Variants in ZMYM1 observed in about 807,000 individuals in gnomAD.
The protein encoded by ZMYM1 is zinc finger MYM-type containing 1.
Under a neutral mutation model 60.0 loss-of-function variants are expected in ZMYM1, and 39 were observed. The observed-to-expected ratio is 0.65, with a 90% CI of 0.50 to 0.85. The LOEUF (loss-of-function observed/expected upper bound fraction) is 0.85, where lower values mean the gene tolerates loss of function less well. Ranked by LOEUF, ZMYM1 falls within the 40% of genes least tolerant of loss-of-function variation. The pLI is 0.00. For synonymous variants in ZMYM1, 413 were observed against 454.0 expected (o/e 0.91, Z 1.15); for missense variants, 1,171 against 1,309.5 (o/e 0.89, Z 1.63).
rs1481341302 is a variant in ZMYM1 at position 35,111,861 on chromosome 1, T to C, written c.1051T>C (p.Leu351=). Residue 351 remains leucine, a synonymous_variant, in exon 8 of 10, where the codon TTG becomes CTG. Coordinates refer to ENST00000359858, the MANE Select transcript of ZMYM1 (RefSeq NM_024772.5). ...TCCAGTTATAAGCAATATAGTGTCA[T>C]TGGCAGACACCGATGTTGCCTTGCC... ...TTPVISNIVS[L]ADTDVALPIM... is the part of the protein sequence containing the mutation. 3.7e-6 allele frequency: 6 copies of C among 1,607,332 alleles called. No homozygotes were observed. The highest frequency in any genetic ancestry group is 5.1e-6 in the Non-Finnish European group (6 of 1,175,662).
chr1:35,090,947 C>G (rs1455294016), intron 1 of ZMYM1, among the ~76,000 whole-genome samples: 2 of 135,498 alleles, frequency 1.5e-5, no homozygotes, highest in East Asian at 4.2e-4. Context: ...ACTCTTGTCT[C>G]AAAAAAAAAA....
chr1:35,105,132 T>C (rs1234086780), intron 6 of ZMYM1, among the ~76,000 whole-genome samples: 5 of 139,382 alleles, frequency 3.6e-5, no homozygotes, highest in Admixed American at 7.1e-5. Context: ...CTTTCTTTTT[T>C]TTTTTTTTTT....
At chr1:35,096,012 C>A in intron 3 of ZMYM1, 121 bp downstream of exon 3, 1 of 753,778 alleles carries the variant, frequency 1.3e-6, no homozygotes, top group Non-Finnish European at 2.2e-6. Flanking sequence ...GGAGAAGTAA[C>A]CTGTAAGAAA....
intron 9 of ZMYM1, among the ~76,000 whole-genome samples, chr1:35,112,503 A>T (rs1644123267): frequency 6.9e-6 from 1 of 145,560 alleles, no homozygotes; most frequent in East Asian, 1.9e-4. Flanking sequence ...TATATATAAT[A>T]TATACTATAA....
At position 35,114,419 on chromosome 1, in the gene ZMYM1, A is replaced by C. The variant is rs944948477; in HGVS notation, c.2589A>C (p.Lys863Asn). ...AATTTGAATTTGTCTTTTGTTTGAAATTCCTGTATCGAGTGCTGAGTGTTA... is the reference window on the plus strand; with the variant it reads ...AATTTGAATTTGTCTTTTGTTTGAACTTCCTGTATCGAGTGCTGAGTGTTA... Reference protein sequence around the residue: ...VSKFEFVFCLKFLYRVLSVTG... With the variant: ...VSKFEFVFCLNFLYRVLSVTG... Residue 863 changes from lysine (K) to asparagine (N), a missense_variant, in exon 10 of 10, where the codon AAA becomes AAC. Physicochemically the swap from Lys to Asn is moderately conservative, Grantham distance 94. Transcript: ENST00000359858. The C allele has an allele frequency of 6.2e-7, 1 of 1,613,278 alleles. No individual in the cohort carries two copies.
At chr1:35,072,327 A>G (rs1298509180) in intron 1 of ZMYM1, among the ~76,000 whole-genome samples, 1 of 152,158 alleles carries the variant, frequency 6.6e-6, no homozygotes, top group African/African-American at 2.4e-5. Context: ...TTAATCTTCT[A>G]AAGTTTATTG....
In ZMYM1 at chr1:35,115,294, A is replaced by T; in HGVS notation, c.*35A>T. 1 of 1,505,308 alleles carries T rather than the reference A, an allele frequency of 6.6e-7. No homozygotes were observed. The highest frequency in any genetic ancestry group is 1.4e-5 in the African/African-American group (1 of 71,276). The allele number at this position is 1,505,308 out of a possible 1,614,324, so 93.2% of individuals were successfully genotyped here. A position where few individuals can be genotyped will look rare whatever the true frequency, so the allele number is the denominator to read the frequency against. Reference sequence around the variant, plus strand: ...ATTTGAACTTACCTAAAAGACTTGTATTTCCATTGGGATGTTTTCATTTCA... The same window carrying T: ...ATTTGAACTTACCTAAAAGACTTGTTTTTCCATTGGGATGTTTTCATTTCA... On this transcript the variant is annotated 3_prime_UTR_variant, in exon 10 of 10. Coordinates refer to ENST00000359858, the MANE Select transcript of ZMYM1 (RefSeq NM_024772.5).
At chr1:35,063,826 G>A (rs75317207) in intron 1 of ZMYM1, among the ~76,000 whole-genome samples, 5,126 of 152,256 alleles carry the variant, frequency 0.034, 303 homozygotes, top group African/African-American at 0.12. Flanking sequence ...GTTCTATCAG[G>A]AAAGAAATAT....
At chr1:35,065,012 C>T (rs954378877) in intron 1 of ZMYM1, among the ~76,000 whole-genome samples, 2 of 152,030 alleles carry the variant, frequency 1.3e-5, no homozygotes, top group African/African-American at 4.8e-5. Flanking sequence ...ACACACTGAC[C>T]ATGGATTAAA....
chr1:35,118,774 A>G (rs138142869), downstream of ZMYM1, among the ~76,000 whole-genome samples: 80 of 152,314 alleles, frequency 5.3e-4, 1 homozygote, highest in African/African-American at 1.5e-3. Context: ...CTTGTAGTCT[A>G]TTATACAGCC....
rs1644170046 is a variant in ZMYM1, at chr1:35,113,620, AAGG to A, written c.1793_1795del (p.Gly598del). On this transcript the variant is annotated inframe_deletion, in exon 10 of 10. Transcript: ENST00000359858. ...TTGTTAGAAATGAGAGCAAAAGATA[AAGG>A]AGAAGAAACATTTCGACTTATGAAT... 1 of 1,613,374 alleles carries A rather than the reference AAGG, an allele frequency of 6.2e-7. No homozygotes were observed. Among genetic ancestry groups the A allele is most frequent in the Non-Finnish European group, 8.5e-7 (1 of 1,179,794 alleles).
At chr1:35,078,163 T>C (rs1006499036), upstream of ZMYM1, among the ~76,000 whole-genome samples, 2 of 152,218 alleles carry the variant, frequency 1.3e-5, no homozygotes, top group African/African-American at 2.4e-5. Flanking sequence ...AAGGTAATAA[T>C]AAATGTTGGA....
intron 4 of ZMYM1, among the ~76,000 whole-genome samples, chr1:35,098,291 C>T (rs1236303540): frequency 6.6e-6 from 1 of 152,210 alleles, no homozygotes; most frequent in East Asian, 1.9e-4. Flanking sequence ...GATAAACCTA[C>T]ATGTCTCTAT....
upstream of ZMYM1, chr1:35,079,268 C>T (rs192035438): frequency 1.3e-5 from 2 of 152,100 alleles, no homozygotes; most frequent in East Asian, 3.9e-4. Context: ...CCCTCTCCCA[C>T]TTCTTCTATC....
chr1:35,104,246 T>C, intron 4 of ZMYM1, 49 bp from the exon 5 acceptor site: 1 of 1,432,732 alleles, frequency 7.0e-7, no homozygotes, highest in South Asian at 1.5e-5. Flanking sequence ...AAAGAGAAGT[T>C]ATAATTGTGT....
At chr1:35,076,935 CAAA>C (rs1239260936), upstream of ZMYM1, among the ~76,000 whole-genome samples, 7 of 79,372 alleles carry the variant, frequency 8.8e-5, no homozygotes, top group Admixed American at 2.8e-4. Flanking sequence ...AACTCTGTCT[CAAA>C]AAAAAAAAAA....
intron 1 of ZMYM1, among the ~76,000 whole-genome samples, chr1:35,079,667 G>C (rs1373175569): frequency 6.6e-6 from 1 of 152,200 alleles, no homozygotes; most frequent in Non-Finnish European, 1.5e-5. Flanking sequence ...ATAGACTGGG[G>C]GGGTTAGTGC....
In ZMYM1 at chr1:35,113,092, C is replaced by T. The variant is rs116729905; in HGVS notation, c.1262C>T (p.Thr421Ile). ...AGTCAGCATGCAATTGGTTCCAGTA[C>T]AGAAGTACAAAAAGACAATATGAAA... ...VFSQHAIGSSTEVQKDNMKSM... is the reference protein window; with the variant it reads ...VFSQHAIGSSIEVQKDNMKSM... Residue 421 changes from threonine to isoleucine, a missense_variant, in exon 10 of 10, where the codon ACA becomes ATA. Coordinates refer to ENST00000359858, the MANE Select transcript of ZMYM1 (RefSeq NM_024772.5). The T allele has an allele frequency of 3.6e-3, 5,736 of 1,613,966 alleles. 140 individuals are homozygous for T. In the African/African-American group the frequency reaches 0.052, roughly 15 times the overall value.
chr1:35,089,574 A>G (rs1447608635), intron 1 of ZMYM1, among the ~76,000 whole-genome samples: 1 of 152,086 alleles, frequency 6.6e-6, no homozygotes, highest in African/African-American at 2.4e-5. Context: ...TCTTTCATGT[A>G]CTAACCCAGA....
Sources: gnomAD v4.1 joint callset for allele counts (sites outside exome capture counted in the v4.1 genomes callset) on GRCh38, gnomAD v4.1.1 for gene constraint, MANE v1.5 for transcripts, NCBI Gene and HGNC (gene_info 2026-07-23, HGNC 2026-07-21) for gene names.